Variants in CYP2C8 observed in about 807,000 individuals in gnomAD.
CYP2C8 encodes cytochrome P450 2C8.
In CYP2C8, 51 loss-of-function variants were observed where a neutral mutation model predicts 41.3. The observed-to-expected ratio is 1.24, with a 90% CI of 0.99 to 1.56. CYP2C8 has a LOEUF of 1.56. CYP2C8 is among the 40% of genes most tolerant of loss of function. The pLI is 0.00. For synonymous variants in CYP2C8, 218 were observed against 205.8 expected, an observed-to-expected ratio of 1.06 and a Z score of -0.51; for missense variants, 651 against 579.9, an observed-to-expected ratio of 1.12 and a Z score of -1.26.
rs769809847 is a variant in CYP2C8 at position 95,043,087 on chromosome 10, C to T, written c.962-10G>A. ...TCTTCCTGGACTTTAGCTGACAAGACACAAGAAAGAACTGATGGAAACGAA... is the reference window on the plus strand; with the variant it reads ...TCTTCCTGGACTTTAGCTGACAAGATACAAGAAAGAACTGATGGAAACGAA... On this transcript the variant is annotated splice_polypyrimidine_tract_variant and intron_variant, in intron 6 of 8. Transcript: ENST00000371270. 6.2e-7 allele frequency: 1 copy of T among 1,613,906 alleles called. No individual in the cohort carries two copies. The highest frequency in any genetic ancestry group is 8.5e-7 in the Non-Finnish European group (1 of 1,179,840).
intron 4 of CYP2C8, 145 bp from the exon 5 acceptor site, chr10:95,058,656 T>G (rs1286983560): frequency 2.7e-6 from 2 of 740,362 alleles, no homozygotes; most frequent in East Asian, 5.5e-5. Context: ...ATACATTTTT[T>G]ATTACACTTT....
rs574615799 is a variant in CYP2C8, at chr10:95,052,204, G to A, written c.819+6131C>T. Among the ~76,000 whole-genome samples, 20 of 152,036 alleles carry A rather than the reference G, an allele frequency of 1.3e-4. No homozygotes were observed. In the South Asian group the frequency reaches 3.9e-3, roughly 30 times the overall value. ...ATATACCAATAAATTGGAAAACTTA[G>A]AAGTAATGAACAAATTCCTAGATAC... On this transcript the variant is annotated intron_variant, in intron 5 of 8. Coordinates refer to ENST00000371270, the MANE Select transcript of CYP2C8 (RefSeq NM_000770.3).
At chr10:95,058,610 A>T (rs1411573847) in intron 4 of CYP2C8, 99 bp from the exon 5 acceptor site, 6 of 1,079,712 alleles carry the variant, frequency 5.6e-6, no homozygotes, top group Middle Eastern at 3.0e-4. Context: ...TGAATAAGAC[A>T]TCATGTCCAT....
At chr10:95,068,682 G>T in intron 1 of CYP2C8, 1 of 1,050,136 alleles carries the variant, frequency 9.5e-7, no homozygotes, top group Non-Finnish European at 1.3e-6. Context: ...TGTATTAAAT[G>T]ATTATATAAT....
intron 5 of CYP2C8, among the ~76,000 whole-genome samples, chr10:95,057,040 T>C (rs1273238157): frequency 6.6e-6 from 1 of 152,174 alleles, no homozygotes; most frequent in Non-Finnish European, 1.5e-5. Context: ...TACCCACTTT[T>C]AATTGCATGC....
rs112653398 is a variant in CYP2C8, at chr10:95,050,908, A to G, written c.820-4957T>C. On this transcript the variant is annotated intron_variant, in intron 5 of 8. Coordinates refer to ENST00000371270, the MANE Select transcript of CYP2C8 (RefSeq NM_000770.3). ...ACCCCAGACTACAAAGACAACAAAA[A>G]TACCTAACTCTAGAATGCCCAGCCC... Among the ~76,000 whole-genome samples the G allele has an allele frequency of 3.0e-4, 45 of 152,314 alleles. 1 individual carries two copies. Among genetic ancestry groups the G allele is most frequent in the Non-Finnish European group, 6.2e-4 (42 of 68,022 alleles).
At chr10:95,042,091 T>C (rs1346838778) in intron 7 of CYP2C8, among the ~76,000 whole-genome samples, 2 of 152,210 alleles carry the variant, frequency 1.3e-5, no homozygotes, top group Non-Finnish European at 2.9e-5. Flanking sequence ...GAAATATTAA[T>C]ATTCTTATAC....
intron 5 of CYP2C8, among the ~76,000 whole-genome samples, chr10:95,052,973 C>T (rs914292310): frequency 1.3e-5 from 2 of 151,832 alleles, no homozygotes; most frequent in Non-Finnish European, 2.9e-5. Context: ...CAAAGGGGAT[C>T]CCAATTAGAA....
intron 3 of CYP2C8, among the ~76,000 whole-genome samples, chr10:95,066,194 C>T (rs1466714862): frequency 1.5e-5 from 2 of 131,062 alleles, no homozygotes; most frequent in African/African-American, 6.2e-5. Context: ...GTGTGTTTCT[C>T]AGGTACAATC....
chr10:95,058,338 C>T lies in CYP2C8; in HGVS notation c.816G>A (p.Glu272=). 1 of 1,613,018 alleles carries T rather than the reference C, an allele frequency of 6.2e-7. No homozygotes were observed. The highest frequency in any genetic ancestry group is 1.1e-5 in the South Asian group (1 of 91,048). Residue 272 remains glutamate (E), a synonymous_variant, in exon 5 of 9, where the codon GAG becomes GAA. Transcript: ENST00000371270. The part of the protein sequence containing the change: ...DFIDCFLIKM[E]QEKDNQKSEF... ...TGATCTGTTGCTAATATCTTACCTG[C>T]TCCATTTTGATCAGGAAGCAATCGA...
chr10:95,056,688 A>G (rs1299134692), intron 5 of CYP2C8, among the ~76,000 whole-genome samples: 1 of 152,218 alleles, frequency 6.6e-6, no homozygotes, highest in Non-Finnish European at 1.5e-5. Context: ...TATACTCATT[A>G]TAGGCAAATC....
chr10:95,047,913 T>C, intron 5 of CYP2C8, among the ~76,000 whole-genome samples: 1 of 152,150 alleles, frequency 6.6e-6, no homozygotes, highest in East Asian at 1.9e-4. Context: ...GTGAACAAGG[T>C]AATATCCTCG....
chr10:95,046,821 G>A (rs1438221484), intron 5 of CYP2C8, among the ~76,000 whole-genome samples: 1 of 150,630 alleles, frequency 6.6e-6, no homozygotes, highest in East Asian at 2.0e-4. Flanking sequence ...TTCTAGTCTA[G>A]CCCACTATAA....
chr10:95,046,229 T>C (rs11572155), intron 5 of CYP2C8, among the ~76,000 whole-genome samples: 7,023 of 152,278 alleles, frequency 0.046, 171 homozygotes, highest in Middle Eastern at 0.1. Context: ...AGAAGTATAC[T>C]GATGCCCTGT....
At position 95,067,570 on chromosome 10, in the gene CYP2C8, C is replaced by T; in HGVS notation, c.290G>A (p.Arg97Lys). Residue 97 changes from arginine to lysine, a missense_variant, in exon 2 of 9, where the codon AGA (arginine) becomes AAA (lysine). By Grantham distance (26) the Arg-to-Lys change is conservative (BLOSUM62 2). Coordinates refer to ENST00000371270, the MANE Select transcript of CYP2C8 (RefSeq NM_000770.3). ...LIDNGEEFSG[R>K]GNSPISQRIT... Reference sequence around the variant, plus strand: ...TCTTTGAGATATTGGGGAATTGCCTCTTCCAGAAAACTCCTCTCCATTATC... The same window carrying T: ...TCTTTGAGATATTGGGGAATTGCCTTTTCCAGAAAACTCCTCTCCATTATC... 3.1e-6 allele frequency: 5 copies of T among 1,614,162 alleles called. No individual in the cohort carries two copies. Among genetic ancestry groups the T allele is most frequent in the Non-Finnish European group, 4.2e-6 (5 of 1,180,022 alleles).
intron 5 of CYP2C8, among the ~76,000 whole-genome samples, chr10:95,050,200 G>A (rs2033189233): frequency 1.3e-5 from 2 of 152,084 alleles, no homozygotes; most frequent in African/African-American, 4.8e-5. Context: ...AAAGGAAAGG[G>A]AAGAGTGAGA....
chr10:95,066,139 AGAGAGAGAGAGAGAGTGTGTGT>A (rs1589448708), intron 3 of CYP2C8, among the ~76,000 whole-genome samples: 1 of 109,898 alleles, frequency 9.1e-6, no homozygotes, highest in Admixed American at 8.5e-5. Flanking sequence ...AGAGAGAGAG[AGAGAGAGAGAGAGAGTGTGTGT>A]GTGTGTGTGT....
intron 6 of CYP2C8, 145 bp from the exon 7 acceptor site, chr10:95,043,222 A>G (rs2033042656): frequency 1.4e-6 from 1 of 708,172 alleles, no homozygotes; most frequent in African/African-American, 1.8e-5. Context: ...CCAGCCATAT[A>G]AAAAGAATTA....
intron 5 of CYP2C8, among the ~76,000 whole-genome samples, chr10:95,050,512 G>A (rs940833940): frequency 6.6e-6 from 1 of 152,188 alleles, no homozygotes; most frequent in Admixed American, 6.5e-5. Context: ...AGTCACAGTG[G>A]TGGTGGATAC....
Sources: allele counts gnomAD v4.1 joint callset (sites outside exome capture counted in the v4.1 genomes callset), GRCh38; gene constraint gnomAD v4.1.1; transcripts MANE v1.5; gene names NCBI Gene and HGNC (gene_info 2026-07-23, HGNC 2026-07-21).